The following MACF1 variants were observed in gnomAD, a reference collection of about 807,000 sequenced individuals.
The protein encoded by MACF1 is microtubule-actin cross-linking factor 1.
In MACF1, 193 loss-of-function variants were observed where a neutral mutation model predicts 854.8. The observed-to-expected ratio is 0.23, with a 90% CI of 0.20 to 0.25. The LOEUF (loss-of-function observed/expected upper bound fraction) is 0.25, where lower values mean the gene tolerates loss of function less well. Among genes scored for constraint, MACF1 ranks in the 10% least tolerant of loss-of-function variants. The pLI is 1.00. For missense variants in MACF1, 7,722 were observed against 8,929.1 expected (o/e 0.86, Z 5.45); for synonymous variants, 3,185 against 3,226.7 (o/e 0.99, Z 0.44).
chr1:39,180,237 T>C (rs928553773), intron 2 of MACF1, among the ~76,000 whole-genome samples: 2 of 152,140 alleles, frequency 1.3e-5, no homozygotes, highest in African/African-American at 4.8e-5. Context: ...TACAAGCCTA[T>C]TTTTAATAAA....
chr1:39,219,746 C>T (rs1380341603), intron 1 of MACF1, among the ~76,000 whole-genome samples: 1 of 152,180 alleles, frequency 6.6e-6, no homozygotes, highest in Non-Finnish European at 1.5e-5. Flanking sequence ...TACCTGCTCC[C>T]TGCTGAAAAG....
At position 39,190,401 on chromosome 1, in the gene MACF1, G is replaced by GTT. The variant is rs71057198; in HGVS notation, c.221-40764_221-40763dup. On this transcript the variant is annotated intron_variant, in intron 2 of 93. Transcript: ENST00000361689. ...TGTGTGTGTGTGTGTGTTTGTTTTT[G>GTT]TTTTTTTTTTTTTTTTTTGATGGAA... is the stretch of plus-strand genomic sequence containing the variant. Among the ~76,000 whole-genome samples, 118 of 105,980 alleles carry GTT rather than the reference G, an allele frequency of 1.1e-3. 3 individuals are homozygous for GTT. Among genetic ancestry groups the GTT allele is most frequent in the Admixed American group, 4.1e-3 (31 of 7,654 alleles). 69.5% of individuals were successfully genotyped at this position (105,980 alleles called of 152,430 possible).
At chr1:39,482,572 T>C (rs1289726612) in intron 99 of MACF1, among the ~76,000 whole-genome samples, 1 of 151,920 alleles carries the variant, frequency 6.6e-6, no homozygotes, top group Non-Finnish European at 1.5e-5. Flanking sequence ...CAAGGTCAAA[T>C]AATGGATGTT....
At chr1:39,380,448 C>A in intron 55 of MACF1, 75 bp downstream of exon 55, 1 of 1,411,026 alleles carries the variant, frequency 7.1e-7, no homozygotes, top group Non-Finnish European at 9.7e-7. Context: ...TCAGCACATC[C>A]TATAAAACAG....
chr1:39,269,588 C>T, intron 6 of MACF1: 7 of 1,289,770 alleles, frequency 5.4e-6, no homozygotes, highest in Non-Finnish European at 7.1e-6. Context: ...CTGGCTATGG[C>T]AGTGATGGGC....
chr1:39,467,222 C>T (rs374697856), intron 95 of MACF1, among the ~76,000 whole-genome samples: 6 of 152,110 alleles, frequency 3.9e-5, no homozygotes, highest in African/African-American at 9.6e-5. Context: ...AAAAATTAGC[C>T]GGCCTGGTGG....
At chr1:39,440,129 T>TTTTTTTTTTTTG (rs1644079064) in intron 72 of MACF1, among the ~76,000 whole-genome samples, 1 of 140,284 alleles carries the variant, frequency 7.1e-6, no homozygotes, top group Non-Finnish European at 1.5e-5. Context: ...TTTTTTTTTT[T>TTTTTTTTTTTTG]GGAGACAGGG....
At chr1:39,104,723 A>C (rs1345502666) in intron 2 of MACF1, among the ~76,000 whole-genome samples, 2 of 152,026 alleles carry the variant, frequency 1.3e-5, no homozygotes, top group Non-Finnish European at 2.9e-5. Context: ...ATGGTGCTGG[A>C]TCTGCCCCGT....
chr1:39,423,876 A>G (rs1643637471), intron 60 of MACF1, 152 bp from the exon 61 acceptor site: 4 of 554,876 alleles, frequency 7.2e-6, no homozygotes, highest in Admixed American at 6.3e-5. Flanking sequence ...ACTGTGCTAT[A>G]TCTCCTGTTT....
chr1:39,474,344 A>T (rs546211264), intron 97 of MACF1, among the ~76,000 whole-genome samples: 70 of 151,912 alleles, frequency 4.6e-4, no homozygotes, highest in African/African-American at 1.4e-3. Flanking sequence ...AGCCGAGACT[A>T]TGCCACTGCA....
intron 2 of MACF1, among the ~76,000 whole-genome samples, chr1:39,248,686 T>C (rs1020568287): frequency 3.4e-4 from 51 of 152,172 alleles, no homozygotes; most frequent in African/African-American, 1.2e-3. Flanking sequence ...TAAAAATCAA[T>C]CTTCCTTATA....
intron 2 of MACF1, among the ~76,000 whole-genome samples, chr1:39,182,911 A>T (rs971906811): frequency 2.6e-5 from 4 of 152,246 alleles, no homozygotes; most frequent in Non-Finnish European, 5.9e-5. Flanking sequence ...ATAAATGTTC[A>T]TAGCAGCATT....
chr1:39,336,025 A>C lies in MACF1; in HGVS notation c.9437A>C (p.Tyr3146Ser), dbSNP rs779222353. The part of the protein sequence containing the change: ...FQGTTRQETN[Y>S]QDSWVTSKTK... ...GGAACCACCAGACAGGAGACCAACT[A>C]TCAAGATTCCTGGGTTACTTCGAAA... Residue 3146 changes from tyrosine to serine, a missense_variant, in exon 37 of 101, where the codon TAT becomes TCT. Tyr to Ser is a moderately radical substitution (Grantham distance 144). Transcript: ENST00000564288. 9.9e-6 allele frequency: 16 copies of C among 1,614,062 alleles called. No homozygotes were observed. Among genetic ancestry groups the C allele is most frequent in the African/African-American group, 4.0e-5 (3 of 74,938 alleles).
At chr1:39,224,548 T>G (rs1284983143) in intron 1 of MACF1, among the ~76,000 whole-genome samples, 2 of 152,126 alleles carry the variant, frequency 1.3e-5, no homozygotes, top group African/African-American at 2.4e-5. Flanking sequence ...GAGAGCAATT[T>G]CAGTGAATTT....
At chr1:39,464,097 G>T in intron 94 of MACF1, 1 of 181,642 alleles carries the variant, frequency 5.5e-6, no homozygotes, top group Non-Finnish European at 1.2e-5. Context: ...CACTGTGCCT[G>T]CTCTGAGCTG....
chr1:39,368,227 G>T lies in MACF1; in HGVS notation c.12851G>T (p.Gly4284Val). 2 of 1,614,140 alleles carry T rather than the reference G, an allele frequency of 1.2e-6. No homozygotes were observed. Among genetic ancestry groups the T allele is most frequent in the Non-Finnish European group, 1.7e-6 (2 of 1,180,014 alleles). Reference sequence around the variant, plus strand: ...CTGGTCACTGAACTGAGCTCTTGTGGCTTTGCGCTGGACTTGTGCCAGCAT... The same window carrying T: ...CTGGTCACTGAACTGAGCTCTTGTGTCTTTGCGCTGGACTTGTGCCAGCAT... ...EHLVTELSSC[G>V]FALDLCQHQD... Residue 4284 changes from glycine to valine, a missense_variant, in exon 50 of 101, where the codon GGC becomes GTC. Physicochemically the swap from Gly to Val is moderately radical, Grantham distance 109. Around this residue, in one of 15 missense-constraint regions of MACF1, gnomAD observed 2,807 missense variants for 3,235.8 expected, o/e 0.87. Coordinates refer to ENST00000564288, the MANE Select transcript of MACF1 (RefSeq NM_001394062.1).
At chr1:39,389,190 T>C (rs975177043) in intron 58 of MACF1, among the ~76,000 whole-genome samples, 1 of 151,936 alleles carries the variant, frequency 6.6e-6, no homozygotes, top group Non-Finnish European at 1.5e-5. Context: ...CATTTTTCTA[T>C]TGTAGTTTAT....
chr1:39,153,457 A>G (rs1052413930), intron 2 of MACF1, among the ~76,000 whole-genome samples: 3 of 152,154 alleles, frequency 2.0e-5, no homozygotes, highest in African/African-American at 7.2e-5. Context: ...AAAGGAGCCA[A>G]CCATTTCTCC....
chr1:39,485,238 C>G (rs1236223375), intron 100 of MACF1: 1 of 362,442 alleles, frequency 2.8e-6, no homozygotes, highest in Non-Finnish European at 5.0e-6. Context: ...GCCCGGCTGG[C>G]AGGCTCACCC....
Sources: gnomAD v4.1 joint callset for allele counts (sites outside exome capture counted in the v4.1 genomes callset) on GRCh38, gnomAD v4.1.1 for gene constraint, gnomAD v4.1.1 regional missense constraint, MANE v1.5 for transcripts, NCBI Gene and HGNC (gene_info 2026-07-23, HGNC 2026-07-21) for gene names.